The following CADM1 variants were observed in gnomAD, a reference collection of about 807,000 sequenced individuals.
The protein encoded by CADM1 is cell adhesion molecule 1, also known as TSLC-1.
A neutral mutation model predicts 53.1 loss-of-function variants in CADM1; 15 were observed. The ratio of observed to expected loss-of-function variants is 0.28; its 90% CI spans 0.19 to 0.44. The LOEUF (loss-of-function observed/expected upper bound fraction) is 0.44. Ranked by LOEUF, CADM1 falls within the 20% of genes least tolerant of loss-of-function variation. The pLI, the probability that CADM1 is intolerant of heterozygous loss-of-function variation, is 1.00. For synonymous variants in CADM1, 281 were observed against 243.0 expected (o/e 1.16, Z -1.45); for missense variants, 434 against 611.3 (o/e 0.71, Z 3.06).
At chr11:115,447,998 G>A (rs1320705581) in intron 1 of CADM1, among the ~76,000 whole-genome samples, 2 of 152,110 alleles carry the variant, frequency 1.3e-5, no homozygotes, top group African/African-American at 4.8e-5. Context: ...TTACTAGCAA[G>A]TCCCTCATTA....
intron 1 of CADM1, among the ~76,000 whole-genome samples, chr11:115,300,834 G>A (rs1014266401): frequency 6.6e-6 from 1 of 152,110 alleles, no homozygotes; most frequent in African/African-American, 2.4e-5. Context: ...AGATATGCAT[G>A]TAGGCTCTGG....
At chr11:115,394,944 T>C (rs1254474230) in intron 1 of CADM1, among the ~76,000 whole-genome samples, 1 of 152,170 alleles carries the variant, frequency 6.6e-6, no homozygotes, top group Non-Finnish European at 1.5e-5. Flanking sequence ...CAGAGATTGA[T>C]TACTTTTATA....
intron 1 of CADM1, among the ~76,000 whole-genome samples, chr11:115,492,745 A>G (rs1273911324): frequency 2.6e-5 from 4 of 152,194 alleles, no homozygotes; most frequent in Admixed American, 6.5e-5. Flanking sequence ...CAAATAAGGA[A>G]TGGGAGATGG....
At position 115,361,905 on chromosome 11, in the gene CADM1, G is replaced by GTT. The variant is rs1419652606; in HGVS notation, c.125-121487_125-121486dup. On this transcript the variant is annotated intron_variant, in intron 1 of 11. Transcript: ENST00000331581. The stretch of plus-strand genomic sequence containing the variant: ...CACACCCGAGTTTTTGTTTTGTTTT[G>GTT]TTTTGTTTTGTTTTGGTAGAGTTGA... Among the ~76,000 whole-genome samples, 7 of 151,358 alleles carry GTT rather than the reference G, an allele frequency of 4.6e-5. No individual in the cohort carries two copies. In the East Asian group the frequency reaches 1.4e-3, roughly 29 times the overall value.
At chr11:115,470,099 T>G (rs971313818) in intron 1 of CADM1, among the ~76,000 whole-genome samples, 1 of 152,208 alleles carries the variant, frequency 6.6e-6, no homozygotes, top group Non-Finnish European at 1.5e-5. Context: ...ATAAAAATAA[T>G]AGTAATGCCT....
At chr11:115,337,748 T>C (rs1220540933) in intron 1 of CADM1, among the ~76,000 whole-genome samples, 1 of 152,156 alleles carries the variant, frequency 6.6e-6, no homozygotes, top group Non-Finnish European at 1.5e-5. Flanking sequence ...GTTAAATTAA[T>C]ACACCATGGA....
At chr11:115,456,148 G>A (rs893441886) in intron 1 of CADM1, among the ~76,000 whole-genome samples, 4 of 152,102 alleles carry the variant, frequency 2.6e-5, no homozygotes, top group Non-Finnish European at 4.4e-5. Context: ...ACAAATGTGG[G>A]CCCTTAAAGA....
At chr11:115,225,323 A>G (rs1003802468) in intron 5 of CADM1, among the ~76,000 whole-genome samples, 1 of 141,688 alleles carries the variant, frequency 7.1e-6, no homozygotes, top group Admixed American at 7.1e-5. Context: ...AGGGGGGGGG[A>G]CTTTAATTCA....
At chr11:115,222,455 C>G (rs1941441540) in intron 5 of CADM1, among the ~76,000 whole-genome samples, 1 of 152,150 alleles carries the variant, frequency 6.6e-6, no homozygotes, top group African/African-American at 2.4e-5. Flanking sequence ...CGGAGTCACA[C>G]AGAGCTCTCA....
intron 1 of CADM1, among the ~76,000 whole-genome samples, chr11:115,353,868 C>G (rs1463023950): frequency 6.6e-6 from 1 of 152,066 alleles, no homozygotes; most frequent in Non-Finnish European, 1.5e-5. Context: ...CAATCAGGAA[C>G]TAGGAGTATT....
At chr11:115,352,551 G>C (rs1945764654) in intron 1 of CADM1, among the ~76,000 whole-genome samples, 1 of 152,110 alleles carries the variant, frequency 6.6e-6, no homozygotes, top group Non-Finnish European at 1.5e-5. Flanking sequence ...TCATCTCCAG[G>C]AAAAATATTA....
chr11:115,295,520 ATAT>A (rs1477963476), intron 1 of CADM1, among the ~76,000 whole-genome samples: 1 of 71,076 alleles, frequency 1.4e-5, no homozygotes, highest in Non-Finnish European at 2.2e-5. Context: ...ATATATATAT[ATAT>A]ATATATATAT....
chr11:115,497,261 C>G (rs116669119), intron 1 of CADM1, among the ~76,000 whole-genome samples: 1,813 of 152,258 alleles, frequency 0.012, 37 homozygotes, highest in African/African-American at 0.041. Flanking sequence ...TTCTGAAATA[C>G]CTAGATCAAA....
chr11:115,307,398 CAA>C (rs1197921237), intron 1 of CADM1, among the ~76,000 whole-genome samples: 1 of 151,092 alleles, frequency 6.6e-6, no homozygotes, highest in Non-Finnish European at 1.5e-5. Flanking sequence ...GCAAGAACAC[CAA>C]AAATGCAGTT....
intron 1 of CADM1, among the ~76,000 whole-genome samples, chr11:115,413,883 T>C (rs551457240): frequency 6.6e-6 from 1 of 152,160 alleles, no homozygotes; most frequent in South Asian, 2.1e-4. Context: ...GGCTTCATGA[T>C]CCACCCGCCT....
chr11:115,327,305 T>C (rs529039817), intron 1 of CADM1, among the ~76,000 whole-genome samples: 59 of 152,250 alleles, frequency 3.9e-4, no homozygotes, highest in African/African-American at 1.4e-3. Context: ...CAATCCCCTA[T>C]ACACTACCAT....
chr11:115,410,196 G>A (rs1947425367), intron 1 of CADM1, among the ~76,000 whole-genome samples: 1 of 152,148 alleles, frequency 6.6e-6, no homozygotes, highest in African/African-American at 2.4e-5. Flanking sequence ...GCCCATTAAC[G>A]ATGCTAAGCC....
chr11:115,206,758 CTTTTTTTTTTTTTTTT>C (rs56270694), intron 8 of CADM1, among the ~76,000 whole-genome samples: 2 of 38,206 alleles, frequency 5.2e-5, no homozygotes, highest in East Asian at 1.4e-3. Flanking sequence ...CTGTGGACTT[CTTTTTTTTTTTTTTTT>C]TTTTTTTTTT....
intron 1 of CADM1, among the ~76,000 whole-genome samples, chr11:115,345,172 C>T (rs1415785128): frequency 6.6e-6 from 1 of 152,152 alleles, no homozygotes; most frequent in Non-Finnish European, 1.5e-5. Context: ...AAGACTGCCA[C>T]CACGCTGACC....
Sources: gnomAD v4.1 joint callset for allele counts (sites outside exome capture counted in the v4.1 genomes callset) on GRCh38, gnomAD v4.1.1 for gene constraint, MANE v1.5 for transcripts, NCBI Gene and HGNC (gene_info 2026-07-23, HGNC 2026-07-21) for gene names.